CPD: variants seen among roughly 807,000 people sequenced by gnomAD.
CPD encodes metallocarboxypeptidase D.
CPD carries 69 observed loss-of-function variants against 138.3 expected under a neutral mutation model. The ratio of observed to expected loss-of-function variants is 0.50; its 90% CI spans 0.41 to 0.61. The LOEUF is 0.61. CPD is among the 20% of genes least tolerant of loss of function. The probability of loss-of-function intolerance (pLI) is 0.00; values close to 1 mark genes in which losing one functional copy is unlikely to be tolerated. For missense variants in CPD, 1,432 were observed against 1,733.3 expected (o/e 0.83, Z 3.09); for synonymous variants, 651 against 642.1 (o/e 1.01, Z -0.21).
intron 12 of CPD, among the ~76,000 whole-genome samples, chr17:30,446,453 G>A (rs897744972): frequency 3.9e-5 from 6 of 151,980 alleles, no homozygotes; most frequent in African/African-American, 1.5e-4. Flanking sequence ...GCGATAGTTT[G>A]CTGAGAATGA....
intron 2 of CPD, among the ~76,000 whole-genome samples, chr17:30,395,632 G>A (rs968725000): frequency 6.6e-6 from 1 of 151,336 alleles, no homozygotes; most frequent in Admixed American, 6.6e-5. Context: ...TTGGCCCCCA[G>A]TCTTTAGATC....
At chr17:30,457,682 CAG>C (rs752272971) in intron 17 of CPD, among the ~76,000 whole-genome samples, 25 of 150,580 alleles carry the variant, frequency 1.7e-4, no homozygotes, top group Non-Finnish European at 3.4e-4. Flanking sequence ...TTTTTTTAAA[CAG>C]AGTCTCACTT....
In CPD at chr17:30,442,467, G is replaced by T; in HGVS notation, c.2373+17G>T. On this transcript the variant is annotated intron_variant, in intron 10 of 20. Transcript: ENST00000225719. ...ATGAAACAGGTGACTATTCAGGAGT[G>T]AAGTATGAAATTTCTCCCGAGGGTG... 6.2e-7 allele frequency: 1 copy of T among 1,605,762 alleles called. No individual in the cohort carries two copies. Among genetic ancestry groups the T allele is most frequent in the South Asian group, 1.1e-5 (1 of 90,452 alleles).
rs774283287 is a variant in CPD at position 30,421,781 on chromosome 17, T to G, written c.1255T>G (p.Phe419Val). The change falls in exon 4 of 21, where the codon TTC becomes GTC. Residue 419 changes from phenylalanine (F) to valine (V), a missense_variant. Transcript: ENST00000225719. ...HNITTGRFGDFYRLLVPGTYN... is the reference protein window; with the variant it reads ...HNITTGRFGDVYRLLVPGTYN... ...TATCACAACAGGCAGATTTGGTGAT[T>G]TCTACCGATTACTTGTTCCTGGAAC... The G allele has an allele frequency of 4.3e-6, 7 of 1,613,864 alleles. No individual in the cohort carries two copies. The highest frequency in any genetic ancestry group is 5.1e-6 in the Non-Finnish European group (6 of 1,179,784).
rs1308133181 is a variant in CPD, at chr17:30,468,212, T to C, written c.*3398T>C. On this transcript the variant is annotated 3_prime_UTR_variant, in exon 21 of 21. Transcript: ENST00000225719. The stretch of plus-strand genomic sequence containing the variant: ...GTTGATTTTGATTTGACAGCATACA[T>C]TATGAAATTTGAAAGTAGGTTACCA... 1.3e-5 allele frequency: 2 copies of C among 152,566 alleles called. No homozygotes were observed. Among genetic ancestry groups the C allele is most frequent in the Admixed American group, 6.5e-5 (1 of 15,270 alleles). 9.5% of individuals were successfully genotyped at this position (152,566 alleles called of 1,614,324 possible).
At chr17:30,436,197 C>T (rs560339029) in intron 8 of CPD, among the ~76,000 whole-genome samples, 113 of 152,188 alleles carry the variant, frequency 7.4e-4, no homozygotes, top group African/African-American at 2.6e-3. Context: ...CCTGTAGTCC[C>T]AGCTACTTGG....
At chr17:30,412,290 G>A (rs942937592) in intron 2 of CPD, among the ~76,000 whole-genome samples, 8 of 152,084 alleles carry the variant, frequency 5.3e-5, no homozygotes, top group African/African-American at 1.2e-4. Flanking sequence ...GGTGTCTGTC[G>A]GCCCCTACTG....
intron 2 of CPD, among the ~76,000 whole-genome samples, chr17:30,401,020 G>A (rs920725750): frequency 1.2e-4 from 18 of 151,908 alleles, no homozygotes; most frequent in African/African-American, 3.9e-4. Flanking sequence ...TATAAAACTC[G>A]GGGTTGTGGA....
At position 30,419,882 on chromosome 17, in the gene CPD, G is replaced by C. The variant is rs1912221620; in HGVS notation, c.995-959G>C. On this transcript the variant is annotated intron_variant, in intron 2 of 20. Coordinates refer to ENST00000225719, the MANE Select transcript of CPD (RefSeq NM_001304.5). ...ACATGGATGAACATGAAAATAATCA[G>C]ATCATCAGTTATTCTCCCTCCTGAT... 3.3e-5 allele frequency among the ~76,000 whole-genome samples: 5 copies of C among 152,202 alleles called. 1 individual carries two copies. Among genetic ancestry groups the C allele is most frequent in the Admixed American group, 2.0e-4 (3 of 15,280 alleles).
chr17:30,454,366 A>G (rs1913237551), intron 14 of CPD: 1 of 152,260 alleles, frequency 6.6e-6, no homozygotes, highest in African/African-American at 2.4e-5. Context: ...CAGGGGCAAA[A>G]TGCTGCCAGT....
chr17:30,433,263 G>T (rs1399399730), intron 8 of CPD, among the ~76,000 whole-genome samples: 1 of 152,148 alleles, frequency 6.6e-6, no homozygotes, highest in Non-Finnish European at 1.5e-5. Context: ...AGTAATAAGA[G>T]AATGTATAGT....
intron 1 of CPD, among the ~76,000 whole-genome samples, chr17:30,383,887 A>T (rs1334696887): frequency 6.6e-6 from 1 of 152,222 alleles, no homozygotes; most frequent in Non-Finnish European, 1.5e-5. Context: ...GTAATGGTTT[A>T]AGCTGTTATA....
chr17:30,462,745 CAG>C (rs1175142289), intron 20 of CPD, among the ~76,000 whole-genome samples: 1 of 152,150 alleles, frequency 6.6e-6, no homozygotes, highest in Non-Finnish European at 1.5e-5. Flanking sequence ...AGTGGGAAAT[CAG>C]GGGTCTCATA....
chr17:30,407,284 A>G (rs1016129262), intron 2 of CPD, among the ~76,000 whole-genome samples: 1 of 152,158 alleles, frequency 6.6e-6, no homozygotes, highest in African/African-American at 2.4e-5. Context: ...ATACATGTGC[A>G]TGTGTCTTTA....
intron 2 of CPD, among the ~76,000 whole-genome samples, chr17:30,389,154 G>C (rs1385139335): frequency 1.3e-5 from 2 of 152,140 alleles, no homozygotes; most frequent in African/African-American, 4.8e-5. Flanking sequence ...GCGGGCTCTG[G>C]GGGGTGGCAG....
At chr17:30,406,805 G>A (rs1198338516) in intron 2 of CPD, among the ~76,000 whole-genome samples, 1 of 151,820 alleles carries the variant, frequency 6.6e-6, no homozygotes, top group Non-Finnish European at 1.5e-5. Context: ...CCCTGAAATT[G>A]TTATTATTAT....
intron 10 of CPD, 89 bp downstream of exon 10, chr17:30,442,539 A>C: frequency 8.1e-7 from 1 of 1,230,698 alleles, no homozygotes; most frequent in Non-Finnish European, 1.1e-6. Context: ...TGATTTTGGA[A>C]TACACTCTTT....
chr17:30,389,060 C>T (rs1335532808), intron 2 of CPD, among the ~76,000 whole-genome samples: 1 of 152,238 alleles, frequency 6.6e-6, no homozygotes, highest in Non-Finnish European at 1.5e-5. Flanking sequence ...CCCAGCTCCG[C>T]ATAGGGGTTC....
At position 30,389,319 on chromosome 17, in the gene CPD, CA is replaced by C. The variant is rs1444944028; in HGVS notation, c.994+4084del. 2.6e-5 allele frequency among the ~76,000 whole-genome samples: 4 copies of C among 152,338 alleles called. No homozygotes were observed. In the East Asian group the frequency reaches 5.8e-4, roughly 22 times the overall value. On this transcript the variant is annotated intron_variant, in intron 2 of 20. Coordinates refer to ENST00000225719, the MANE Select transcript of CPD (RefSeq NM_001304.5). ...CAGAAGCATTCAAAAAGAGGTTTGA[CA>C]TACTATTTAGAAGTGAAACCTTCTC...
Sources: gnomAD v4.1 joint callset for allele counts (sites outside exome capture counted in the v4.1 genomes callset) on GRCh38, gnomAD v4.1.1 for gene constraint, MANE v1.5 for transcripts, NCBI Gene and HGNC (gene_info 2026-07-23, HGNC 2026-07-21) for gene names.